The following CNBD2 variants were observed in gnomAD, a reference collection of about 807,000 sequenced individuals.
CNBD2 encodes cyclic nucleotide binding domain containing 2.
In CNBD2, 64 loss-of-function variants were observed where a neutral mutation model predicts 63.7. That is an observed-to-expected ratio of 1.00 (90% CI 0.82 to 1.24). CNBD2 has a LOEUF of 1.24. CNBD2 is among the 50% of genes most tolerant of loss of function. The pLI, the probability that CNBD2 is intolerant of heterozygous loss-of-function variation, is 0.00. For synonymous variants in CNBD2, 229 were observed against 255.4 expected, an observed-to-expected ratio of 0.90 and a Z score of 0.99; for missense variants, 691 against 713.5, an observed-to-expected ratio of 0.97 and a Z score of 0.36.
chr20:36,024,970 G>T (rs2057266225), intron 11 of CNBD2, among the ~76,000 whole-genome samples: 1 of 152,034 alleles, frequency 6.6e-6, no homozygotes, highest in South Asian at 2.1e-4. Flanking sequence ...TAAATAAGAT[G>T]TTCATAGCAG....
intron 2 of CNBD2, among the ~76,000 whole-genome samples, chr20:35,963,400 G>A (rs1201514348): frequency 2.0e-5 from 3 of 150,298 alleles, no homozygotes; most frequent in Non-Finnish European, 3.0e-5. Flanking sequence ...AAATGGTTTC[G>A]GCCGGTCACG....
intron 11 of CNBD2, 101 bp downstream of exon 11, chr20:36,023,872 A>G: frequency 9.4e-7 from 1 of 1,059,844 alleles, no homozygotes; most frequent in African/African-American, 1.6e-5. Context: ...TGTTGCTGAC[A>G]AGGGTGAAAT....
intron 8 of CNBD2, among the ~76,000 whole-genome samples, chr20:36,005,827 T>C (rs1436667537): frequency 6.6e-6 from 1 of 151,478 alleles, no homozygotes; most frequent in African/African-American, 2.4e-5. Flanking sequence ...GGCGGGCGCC[T>C]GTAGTCCCAG....
intron 10 of CNBD2, among the ~76,000 whole-genome samples, chr20:36,011,746 A>G (rs538442066): frequency 6.6e-6 from 1 of 152,358 alleles, no homozygotes; most frequent in East Asian, 1.9e-4. Context: ...GATAATTCCA[A>G]ACAATTTTTT....
chr20:35,997,687 A>G (rs1184891336), intron 8 of CNBD2, among the ~76,000 whole-genome samples: 1 of 152,184 alleles, frequency 6.6e-6, no homozygotes, highest in African/African-American at 2.4e-5. Flanking sequence ...AAACTCTTAG[A>G]ACACTACCTG....
chr20:35,967,949 G>A (rs986145927), upstream of CNBD2, among the ~76,000 whole-genome samples: 1 of 152,224 alleles, frequency 6.6e-6, no homozygotes, highest in Non-Finnish European at 1.5e-5. Context: ...AGGAATTCAA[G>A]GGTGAGCCAG....
chr20:36,010,992 T>G, intron 9 of CNBD2, 145 bp from the exon 10 acceptor site: 3 of 820,994 alleles, frequency 3.7e-6, no homozygotes, highest in Non-Finnish European at 3.4e-6. Context: ...CAGGGCTTGA[T>G]TTTGAGTTTT....
chr20:35,968,078 G>A (rs6060727), upstream of CNBD2, among the ~76,000 whole-genome samples: 40,300 of 151,858 alleles, frequency 0.27, 6,409 homozygotes, highest in African/African-American at 0.45. Flanking sequence ...CTGTATTTAT[G>A]CTCATCTCTA....
chr20:35,973,202 A>C, intron 2 of CNBD2: 1 of 196,674 alleles, frequency 5.1e-6, no homozygotes, highest in Non-Finnish European at 1.0e-5. Flanking sequence ...CTACTAATAC[A>C]CCTCCCTCCA....
In CNBD2 at chr20:36,013,374, C is replaced by T. The variant is rs147580419; in HGVS notation, c.1269+2117C>T. On this transcript the variant is annotated intron_variant, in intron 10 of 11. Transcript: ENST00000373973. ...TGGAGCTTGCAGTGAGCAGAGATCG[C>T]GCCACTGCACTCCAGCCTGGGCAAC... Among the ~76,000 whole-genome samples the T allele has an allele frequency of 4.4e-3, 667 of 151,848 alleles. 15 individuals are homozygous for T. Among genetic ancestry groups the T allele is most frequent in the African/African-American group, 0.015 (616 of 41,378 alleles).
At position 35,972,642 on chromosome 20, in the gene CNBD2, T is replaced by G; in HGVS notation, c.65T>G (p.Leu22Arg). The part of the protein sequence containing the change: ...LLKKELGLYQ[L>R]AMDIIIMIRV... Reference sequence around the variant, plus strand: ...TTGTTTCCATAGGGACTGTACCAGCTCGCCATGGATATCATCATAATGATC... The same window carrying G: ...TTGTTTCCATAGGGACTGTACCAGCGCGCCATGGATATCATCATAATGATC... Residue 22 changes from leucine (L) to arginine (R), a missense_variant, in exon 2 of 12, where the codon CTC (leucine) becomes CGC (arginine). Coordinates refer to ENST00000373973, the MANE Select transcript of CNBD2 (RefSeq NM_001365709.1). 6.2e-7 allele frequency: 1 copy of G among 1,614,134 alleles called. No homozygotes were observed. The highest frequency in any genetic ancestry group is 8.5e-7 in the Non-Finnish European group (1 of 1,180,000).
At position 35,975,389 on chromosome 20, in the gene CNBD2, C is replaced by T. The variant is rs1461790101; in HGVS notation, c.190-560C>T. ...GATCTCGGCTCACTGCAAGCTCCGC[C>T]TCCCGGGTTCACGCCATTCTCCTGC... On this transcript the variant is annotated intron_variant, in intron 2 of 11. Coordinates refer to ENST00000373973, the MANE Select transcript of CNBD2 (RefSeq NM_001365709.1). Among the ~76,000 whole-genome samples the T allele has an allele frequency of 6.2e-5, 7 of 113,654 alleles. 1 individual carries two copies. Among genetic ancestry groups the T allele is most frequent in the Admixed American group, 2.6e-4 (3 of 11,540 alleles). 74.6% of individuals were successfully genotyped at this position (113,654 alleles called of 152,430 possible). A position where few individuals can be genotyped will look rare whatever the true frequency, so the allele number is the denominator to read the frequency against.
chr20:36,025,164 T>C (rs1173741775), intron 11 of CNBD2, among the ~76,000 whole-genome samples: 2 of 152,052 alleles, frequency 1.3e-5, no homozygotes, highest in Admixed American at 6.6e-5. Context: ...AAAAGGGTGG[T>C]ACAGAATTGT....
chr20:36,017,571 A>G (rs1350720821), intron 10 of CNBD2, among the ~76,000 whole-genome samples: 2 of 152,070 alleles, frequency 1.3e-5, no homozygotes, highest in Non-Finnish European at 2.9e-5. Flanking sequence ...GCCTCCTACA[A>G]CTTTAAACTA....
chr20:35,955,878 C>T (rs1007041313), downstream of CNBD2, among the ~76,000 whole-genome samples: 1 of 152,180 alleles, frequency 6.6e-6, no homozygotes, highest in South Asian at 2.1e-4. Flanking sequence ...CACCACCACA[C>T]CCGGCTAATA....
In CNBD2 at chr20:35,995,120, T is replaced by G; in HGVS notation, c.938T>G (p.Ile313Arg). ...TGGATCTGGCAGCACCTGGAGCTGA[T>G]AGATGGCAGACCTCTGAAGACCCAC... The part of the protein sequence containing the change: ...RRWIWQHLEL[I>R]DGRPLKTHLS... The change falls in exon 8 of 12, where the codon ATA (isoleucine) becomes AGA (arginine). Residue 313 changes from isoleucine (I) to arginine (R), a missense_variant. Physicochemically the swap from Ile to Arg is moderately conservative, Grantham distance 97. Transcript: ENST00000373973. 2.5e-6 allele frequency: 4 copies of G among 1,613,986 alleles called. No individual in the cohort carries two copies. Among genetic ancestry groups the G allele is most frequent in the Non-Finnish European group, 2.5e-6 (3 of 1,179,894 alleles).
At position 35,972,775 on chromosome 20, in the gene CNBD2, T is replaced by C. The variant is rs1474285647; in HGVS notation, c.189+9T>C. ...TCTTCTCCTTCTGGGATGTAAGCAG[T>C]TGGGCTCAGCAGGATTATGAGGGCT... is the stretch of plus-strand genomic sequence containing the variant. On this transcript the variant is annotated intron_variant, in intron 2 of 11. Transcript: ENST00000373973. 6.8e-6 allele frequency: 11 copies of C among 1,613,952 alleles called. No homozygotes were observed. Among genetic ancestry groups the C allele is most frequent in the African/African-American group, 1.3e-5 (1 of 74,922 alleles).
Position 35,976,001 on chromosome 20 carries a change from A to G in CNBD2, c.242A>G (p.Glu81Gly). 1.2e-6 allele frequency: 2 copies of G among 1,608,376 alleles called. No homozygotes were observed. The highest frequency in any genetic ancestry group is 1.7e-6 in the Non-Finnish European group (2 of 1,175,358). Residue 81 changes from glutamate to glycine, a missense_variant and splice_region_variant, in exon 3 of 12, where the codon GAG (glutamate) becomes GGG (glycine). Coordinates refer to ENST00000373973, the MANE Select transcript of CNBD2 (RefSeq NM_001365709.1). ...TFDTMDFIAE[E>G]GHFPPKAIQI... is the part of the protein sequence containing the mutation. The stretch of plus-strand genomic sequence containing the variant: ...GATACCATGGACTTCATTGCAGAGG[A>G]GGTATGCATAGCTCGAAACTTGCTG...
At chr20:35,983,231 G>C (rs1199743141) in intron 4 of CNBD2, among the ~76,000 whole-genome samples, 2 of 151,970 alleles carry the variant, frequency 1.3e-5, no homozygotes, top group African/African-American at 4.8e-5. Context: ...GCCTCCCAAA[G>C]TGCTGGGATT....
Sources: gnomAD v4.1 joint callset for allele counts (sites outside exome capture counted in the v4.1 genomes callset) on GRCh38, gnomAD v4.1.1 for gene constraint, MANE v1.5 for transcripts, NCBI Gene and HGNC (gene_info 2026-07-23, HGNC 2026-07-21) for gene names.